Variants in CLSTN2 observed in about 807,000 individuals in gnomAD.
CLSTN2 encodes calsyntenin 2, also known as calsyntenin-2.
In CLSTN2, 48 loss-of-function variants were observed where a neutral mutation model predicts 101.2. The ratio of observed to expected loss-of-function variants is 0.47; its 90% CI spans 0.38 to 0.60. The LOEUF (loss-of-function observed/expected upper bound fraction) is 0.60. Among genes scored for constraint, CLSTN2 ranks in the 20% least tolerant of loss-of-function variants. The probability of loss-of-function intolerance (pLI) is 0.00; values close to 1 mark genes in which losing one functional copy is unlikely to be tolerated. For synonymous variants in CLSTN2, 481 were observed against 463.6 expected, an observed-to-expected ratio of 1.04 and a Z score of -0.48; for missense variants, 1,160 against 1,238.2, an observed-to-expected ratio of 0.94 and a Z score of 0.95.
rs544996209 is a variant in CLSTN2 at position 140,036,588 on chromosome 3, G to A, written c.109+101105G>A. Among the ~76,000 whole-genome samples, 5 of 152,166 alleles carry A rather than the reference G, an allele frequency of 3.3e-5. No individual in the cohort carries two copies. In the South Asian group the frequency reaches 8.3e-4, roughly 25 times the overall value. ...AACTCAGGAAATCTAGAAACATTTG[G>A]ATTTTCACTTTAAGATTCTGCTTTC... On this transcript the variant is annotated intron_variant, in intron 1 of 16. Transcript: ENST00000458420.
chr3:140,402,439 G>A (rs1285715843), intron 2 of CLSTN2, among the ~76,000 whole-genome samples: 1 of 152,178 alleles, frequency 6.6e-6, no homozygotes, highest in Non-Finnish European at 1.5e-5. Context: ...TAAAATACTT[G>A]CCTTGCAGGT....
intron 1 of CLSTN2, among the ~76,000 whole-genome samples, chr3:140,064,335 A>C (rs1233883351): frequency 6.6e-6 from 1 of 152,182 alleles, no homozygotes; most frequent in Non-Finnish European, 1.5e-5. Flanking sequence ...TTATCACTAA[A>C]GTTTTAGGCT....
chr3:140,391,898 G>A (rs531196446), intron 2 of CLSTN2, among the ~76,000 whole-genome samples: 5 of 152,012 alleles, frequency 3.3e-5, no homozygotes, highest in South Asian at 2.1e-4. Context: ...ATTAAGAGGC[G>A]ATGATCATTT....
intron 1 of CLSTN2, among the ~76,000 whole-genome samples, chr3:140,070,928 C>A (rs919616996): frequency 5.3e-5 from 8 of 152,116 alleles, no homozygotes; most frequent in African/African-American, 1.9e-4. Context: ...TATTTATTAT[C>A]CATCCCTTTA....
At chr3:140,234,444 C>T (rs1295837578) in intron 2 of CLSTN2, among the ~76,000 whole-genome samples, 1 of 152,028 alleles carries the variant, frequency 6.6e-6, no homozygotes, top group Non-Finnish European at 1.5e-5. Context: ...CTCAGGGTCT[C>T]GGTTTTCGCC....
At chr3:139,959,029 C>G (rs1397858068) in intron 1 of CLSTN2, among the ~76,000 whole-genome samples, 1 of 151,878 alleles carries the variant, frequency 6.6e-6, no homozygotes, top group Non-Finnish European at 1.5e-5. Flanking sequence ...TGGTGGAAGA[C>G]AAGAGTGAGA....
intron 2 of CLSTN2, among the ~76,000 whole-genome samples, chr3:140,238,331 T>C (rs1461229159): frequency 6.6e-6 from 1 of 152,200 alleles, no homozygotes; most frequent in African/African-American, 2.4e-5. Context: ...AAAGAGATTA[T>C]GGTTCACTCT....
intron 4 of CLSTN2, among the ~76,000 whole-genome samples, chr3:140,415,584 C>T (rs1209864520): frequency 1.3e-5 from 2 of 149,560 alleles, no homozygotes; most frequent in Non-Finnish European, 3.0e-5. Flanking sequence ...AAATGGTCGA[C>T]GTGCATACAA....
chr3:140,268,982 G>T (rs1250860589), intron 2 of CLSTN2, among the ~76,000 whole-genome samples: 2 of 152,172 alleles, frequency 1.3e-5, no homozygotes, highest in Non-Finnish European at 2.9e-5. Flanking sequence ...TTATTCAGTA[G>T]AGATTTGTTT....
intron 2 of CLSTN2, among the ~76,000 whole-genome samples, chr3:140,392,298 G>A (rs2088123699): frequency 6.6e-6 from 1 of 151,452 alleles, no homozygotes; most frequent in Non-Finnish European, 1.5e-5. Context: ...ATTTCAACAT[G>A]TTATCAAATA....
Position 140,563,139 on chromosome 3 carries a change from G to A in CLSTN2, c.2418G>A (p.Val806=), listed in dbSNP as rs754685278. 3.7e-6 allele frequency: 6 copies of A among 1,614,058 alleles called. No individual in the cohort carries two copies. Among genetic ancestry groups the A allele is most frequent in the Admixed American group, 1.7e-5 (1 of 60,020 alleles). The change falls in exon 15 of 17, where the codon GTG becomes GTA. Residue 806 remains valine (V), a synonymous_variant. Transcript: ENST00000458420. ...AGGAGCATGTCAATCATCTGATTGT[G>A]CAGCCTCCCTTCCTCCAGTCTGTCC... The part of the protein sequence containing the change: ...SDKEHVNHLI[V]QPPFLQSVHH...
At position 140,467,004 on chromosome 3, in the gene CLSTN2, G is replaced by A. The variant is rs1323667715; in HGVS notation, c.1344+273G>A. 3.3e-5 allele frequency among the ~76,000 whole-genome samples: 5 copies of A among 152,140 alleles called. No homozygotes were observed. The South Asian group carries it at 8.3e-4, about 25-fold the overall frequency. On this transcript the variant is annotated intron_variant, in intron 8 of 16. Coordinates refer to ENST00000458420, the MANE Select transcript of CLSTN2 (RefSeq NM_022131.3). ...GCCGTTTGTCCATTTGCTCCACATC[G>A]AGCTTGTGGAAGCCAGTTCTCCTGA...
At chr3:140,298,776 A>C (rs759068258) in intron 2 of CLSTN2, among the ~76,000 whole-genome samples, 1 of 152,240 alleles carries the variant, frequency 6.6e-6, no homozygotes, top group African/African-American at 2.4e-5. Flanking sequence ...TACAAGAATG[A>C]GAACAGAATG....
intron 1 of CLSTN2, among the ~76,000 whole-genome samples, chr3:140,003,697 G>A (rs933753062): frequency 8.5e-5 from 13 of 152,090 alleles, no homozygotes; most frequent in African/African-American, 3.1e-4. Context: ...GTTGAGGTAT[G>A]TTTCCTCTAT....
chr3:140,321,637 C>T (rs564766747), intron 2 of CLSTN2, among the ~76,000 whole-genome samples: 1 of 152,162 alleles, frequency 6.6e-6, no homozygotes, highest in African/African-American at 2.4e-5. Flanking sequence ...AGGGGGAGGA[C>T]CTGAGGAGGT....
At chr3:140,418,528 T>C (rs890149567) in intron 4 of CLSTN2, among the ~76,000 whole-genome samples, 20 of 145,788 alleles carry the variant, frequency 1.4e-4, no homozygotes, top group African/African-American at 5.2e-4. Flanking sequence ...TTTTTTTTTT[T>C]TTTTTCTGAG....
At chr3:140,135,538 C>A (rs1337135928) in intron 1 of CLSTN2, among the ~76,000 whole-genome samples, 1 of 152,122 alleles carries the variant, frequency 6.6e-6, no homozygotes, top group South Asian at 2.1e-4. Context: ...AACTAAACTT[C>A]TAGGAATGTC....
chr3:139,975,524 GA>G (rs1644356601), intron 1 of CLSTN2, among the ~76,000 whole-genome samples: 2 of 152,190 alleles, frequency 1.3e-5, no homozygotes, highest in Admixed American at 1.3e-4. Context: ...AATCAGGACC[GA>G]GAGGCTGATG....
chr3:139,963,908 A>G (rs55878029), intron 1 of CLSTN2, among the ~76,000 whole-genome samples: 19,945 of 152,164 alleles, frequency 0.13, 1,332 homozygotes, highest in East Asian at 0.19. Flanking sequence ...CTGTAGTGAA[A>G]TTGGTGGGCA....
Sources: allele counts gnomAD v4.1 joint callset (sites outside exome capture counted in the v4.1 genomes callset), GRCh38; gene constraint gnomAD v4.1.1; transcripts MANE v1.5; gene names NCBI Gene and HGNC (gene_info 2026-07-23, HGNC 2026-07-21).